MEGF6: variants seen among roughly 807,000 people sequenced by gnomAD.
The protein encoded by MEGF6 is multiple EGF like domains 6.
In MEGF6, 184 loss-of-function variants were observed where a neutral mutation model predicts 207.1. The observed-to-expected ratio is 0.89, with a 90% CI of 0.79 to 1.00. The LOEUF (loss-of-function observed/expected upper bound fraction) is 1.00, where lower values mean the gene tolerates loss of function less well. Ranked by LOEUF, MEGF6 falls within the 50% of genes least tolerant of loss-of-function variation. MEGF6 has a pLI of 0.00. For synonymous variants in MEGF6, 1,038 were observed against 910.0 expected, an observed-to-expected ratio of 1.14 and a Z score of -2.53; for missense variants, 2,282 against 2,202.9, an observed-to-expected ratio of 1.04 and a Z score of -0.72.
the MEGF6 span, among the ~76,000 whole-genome samples, chr1:3,619,159 A>G: frequency 6.6e-6 from 1 of 152,220 alleles, no homozygotes; most frequent in Non-Finnish European, 1.5e-5. Context: ...TGCGCCCTCT[A>G]ATTGGAAGAC....
chr1:3,498,757 T>C lies in MEGF6; in HGVS notation c.3164A>G (p.Asp1055Gly), dbSNP rs1414465608. ...GCACGCACAGTGGCCTGAGACAGGG[T>C]CACAGGTCCCTCCGTTCTGGCAGAG... ...SCLCQNGGTC[D>G]PVSGHCACPE... The change falls in exon 25 of 37, where the codon GAC becomes GGC. Residue 1055 changes from aspartate (D) to glycine (G), a missense_variant. By Grantham distance (94) the Asp-to-Gly change is moderately conservative (BLOSUM62 -1). Transcript: ENST00000356575. The C allele has an allele frequency of 1.9e-6, 3 of 1,560,866 alleles. No homozygotes were observed. The highest frequency in any genetic ancestry group is 2.6e-6 in the Non-Finnish European group (3 of 1,153,836).
rs1570130660 is a variant in MEGF6 at position 3,556,908 on chromosome 1, C to G, written c.481+22917G>C. 6.6e-6 allele frequency among the ~76,000 whole-genome samples: 1 copy of G among 152,288 alleles called. No individual in the cohort carries two copies. Among genetic ancestry groups the G allele is most frequent in the Admixed American group, 6.5e-5 (1 of 15,300 alleles). ...AGGGCTGTGGAAAGAACGAAGGCAG[C>G]CCCTCAGCCGACCTGACCTAGGAAG... is the stretch of plus-strand genomic sequence containing the variant. On this transcript the variant is annotated intron_variant, in intron 4 of 36. Transcript: ENST00000356575. The surrounding 1 kb of genome is among the most constrained non-coding windows in gnomAD (Gnocchi z 4.4).
the MEGF6 span, among the ~76,000 whole-genome samples, chr1:3,619,420 C>G: frequency 1.3e-5 from 2 of 152,194 alleles, no homozygotes; most frequent in Admixed American, 1.3e-4. Flanking sequence ...AACCCCAGTG[C>G]GTGTGATATG....
Position 3,509,147 on chromosome 1 carries a change from G to A in MEGF6, c.1456C>T (p.Gln486Ter). 6.3e-7 allele frequency: 1 copy of A among 1,593,220 alleles called. No homozygotes were observed. The highest frequency in any genetic ancestry group is 1.7e-4 in the Middle Eastern group (1 of 6,010). ...TCATCGGCCCCGACGTCGTCATCCTGGAAGAGTTGCGGCAGCTCGTCCTGG... is the reference window on the plus strand; with the variant it reads ...TCATCGGCCCCGACGTCGTCATCCTAGAAGAGTTGCGGCAGCTCGTCCTGG... Reference protein sequence around the residue: ...VLQDELPQLFQDDDVGADEEE... With the variant: ...VLQDELPQLF Residue 486 changes from glutamine to a stop codon, truncating the protein, a stop_gained, in exon 12 of 37, where the codon CAG (glutamine) becomes TAG (stop). Coordinates refer to ENST00000356575, the MANE Select transcript of MEGF6 (RefSeq NM_001409.4). LOFTEE classifies it high-confidence loss of function.
intron 1 of MEGF6, among the ~76,000 whole-genome samples, chr1:3,605,506 TCA>T (rs1570248146): frequency 6.7e-6 from 1 of 149,940 alleles, no homozygotes; most frequent in East Asian, 2.0e-4. Flanking sequence ...ACACACACAA[TCA>T]CACACATACA....
chr1:3,584,833 C>T (rs759465344), intron 3 of MEGF6, among the ~76,000 whole-genome samples: 2 of 152,248 alleles, frequency 1.3e-5, no homozygotes, highest in African/African-American at 4.8e-5. Flanking sequence ...GTGGTAAGGC[C>T]GCTGCCCTCA....
Position 3,493,851 on chromosome 1 carries a change from C to T in MEGF6, c.4307G>A (p.Cys1436Tyr), listed in dbSNP as rs766961327. Residue 1436 changes from cysteine (C) to tyrosine (Y), a missense_variant, in exon 34 of 37, where the codon TGT becomes TAT. By Grantham distance (194) the Cys-to-Tyr change is radical (BLOSUM62 -2). Transcript: ENST00000356575. The part of the protein sequence containing the change: ...FGEGCHQRCD[C>Y]DGGAPCDPVT... ...AGGGTCACAGGGTGCCCCCCCGTCA[C>T]AGTCACAGCGCTGGTGGCAGCCCTC... 8.7e-6 allele frequency: 14 copies of T among 1,601,688 alleles called. No homozygotes were observed. The African/African-American group carries it at 9.4e-5, about 11-fold the overall frequency.
At chr1:3,550,612 C>T (rs1189983264) in intron 4 of MEGF6, among the ~76,000 whole-genome samples, 1 of 152,268 alleles carries the variant, frequency 6.6e-6, no homozygotes, top group Non-Finnish European at 1.5e-5. Context: ...AGTTTTGATA[C>T]AGAAAGAAGC....
At chr1:3,608,939 A>G (rs1156912470) in intron 1 of MEGF6, among the ~76,000 whole-genome samples, 1 of 152,168 alleles carries the variant, frequency 6.6e-6, no homozygotes, top group Admixed American at 6.5e-5. Context: ...TGCGAGTTGG[A>G]GGGCACACCC....
At chr1:3,571,239 G>A (rs1643485135) in intron 4 of MEGF6, among the ~76,000 whole-genome samples, 1 of 152,084 alleles carries the variant, frequency 6.6e-6, no homozygotes. Flanking sequence ...GAACAGCCAG[G>A]AAGGGCAGGA....
upstream of MEGF6, among the ~76,000 whole-genome samples, chr1:3,616,180 C>T (rs1557439999): frequency 6.6e-6 from 1 of 152,206 alleles, no homozygotes. Flanking sequence ...TCCTTCCCTG[C>T]AGCCTGACTT....
chr1:3,618,946 C>T, the MEGF6 span, among the ~76,000 whole-genome samples: 1 of 152,244 alleles, frequency 6.6e-6, no homozygotes, highest in Non-Finnish European at 1.5e-5. The surrounding 1 kb of genome is among the most constrained non-coding windows in gnomAD (Gnocchi z 4.7). Context: ...AACCCTTGGG[C>T]TGCCCTTTGG....
chr1:3,537,663 A>C (rs963301967), intron 4 of MEGF6, among the ~76,000 whole-genome samples: 3 of 152,226 alleles, frequency 2.0e-5, no homozygotes, highest in African/African-American at 7.2e-5. Flanking sequence ...GGGCACAGGC[A>C]TCACTTCCGG....
Position 3,493,821 on chromosome 1 carries a change from G to A in MEGF6, c.4337C>T (p.Thr1446Ile), listed in dbSNP as rs376270808. 2.7e-5 allele frequency: 44 copies of A among 1,609,524 alleles called. No individual in the cohort carries two copies. The highest frequency in any genetic ancestry group is 3.6e-5 in the Non-Finnish European group (42 of 1,178,640). The part of the protein sequence containing the change: ...CDGGAPCDPV[T>I]GLCLCPPGRS... ...CCCTGGTGGGCAAAGGCAGAGACCGGTGACAGGGTCACAGGGTGCCCCCCC... is the reference window on the plus strand; with the variant it reads ...CCCTGGTGGGCAAAGGCAGAGACCGATGACAGGGTCACAGGGTGCCCCCCC... The change falls in exon 34 of 37, where the codon ACC becomes ATC. Residue 1446 changes from threonine to isoleucine, a missense_variant. Thr to Ile is a moderately conservative substitution (Grantham distance 89). Coordinates refer to ENST00000356575, the MANE Select transcript of MEGF6 (RefSeq NM_001409.4).
At chr1:3,615,719 G>A (rs1330974093), upstream of MEGF6, among the ~76,000 whole-genome samples, 2 of 152,214 alleles carry the variant, frequency 1.3e-5, no homozygotes, top group African/African-American at 4.8e-5. Context: ...GCCCGCGTGT[G>A]GGACCCACCC....
intron 17 of MEGF6, among the ~76,000 whole-genome samples, chr1:3,502,475 G>T (rs1294719906): frequency 6.6e-6 from 1 of 152,168 alleles, no homozygotes. Flanking sequence ...GAGGGCTGGG[G>T]AGGCTGTGCA....
intron 16 of MEGF6, 31 bp downstream of exon 16, chr1:3,505,391 C>T (rs779270523): frequency 3.1e-6 from 5 of 1,599,294 alleles, no homozygotes; most frequent in Middle Eastern, 1.7e-4. Context: ...CCCTGGCGCC[C>T]CCCGCCCCCA....
rs182270606 is a variant in MEGF6 at position 3,492,593 on chromosome 1, T to C, written c.4516+46A>G. 23 of 1,594,136 alleles carry C rather than the reference T, an allele frequency of 1.4e-5. No individual in the cohort carries two copies. In the East Asian group the frequency reaches 3.8e-4, roughly 27 times the overall value. ...TCTGCCAGGGTGGAGCTGAGGCTGATTGGGGGATGGTGCCTTCCCGCCCTT... is the reference window on the plus strand; with the variant it reads ...TCTGCCAGGGTGGAGCTGAGGCTGACTGGGGGATGGTGCCTTCCCGCCCTT... On this transcript the variant is annotated intron_variant, in intron 35 of 36. Coordinates refer to ENST00000356575, the MANE Select transcript of MEGF6 (RefSeq NM_001409.4).
At position 3,507,869 on chromosome 1, in the gene MEGF6, T is replaced by C. The variant is rs368861120; in HGVS notation, c.1715A>G (p.Asn572Ser). ...KNCSFSCSCQ[N>S]GGTCDSVTGA... ...CGTGACAGAGTCGCAGGTCCCACCATTCTGACAGCTGCAGGAGAAGCTGCA... is the reference window on the plus strand; with the variant it reads ...CGTGACAGAGTCGCAGGTCCCACCACTCTGACAGCTGCAGGAGAAGCTGCA... The change falls in exon 14 of 37, where the codon AAT becomes AGT. Residue 572 changes from asparagine (N) to serine (S), a missense_variant. Coordinates refer to ENST00000356575, the MANE Select transcript of MEGF6 (RefSeq NM_001409.4). 4 of 1,612,632 alleles carry C rather than the reference T, an allele frequency of 2.5e-6. No individual in the cohort carries two copies. The African/African-American group carries it at 5.3e-5, about 22-fold the overall frequency.
Sources: allele counts gnomAD v4.1 joint callset (sites outside exome capture counted in the v4.1 genomes callset), GRCh38; gene constraint gnomAD v4.1.1; non-coding constraint Gnocchi (gnomAD v3.1); transcripts MANE v1.5; gene names NCBI Gene and HGNC (gene_info 2026-07-23, HGNC 2026-07-21).